The following CACNA1C variants were observed in gnomAD, a reference collection of about 807,000 sequenced individuals.
CACNA1C encodes calcium voltage-gated channel subunit alpha1 C.
A neutral mutation model predicts 229.0 loss-of-function variants in CACNA1C; 30 were observed. That is an observed-to-expected ratio of 0.13 (90% CI 0.10 to 0.18). The LOEUF (loss-of-function observed/expected upper bound fraction) is 0.18, where lower values mean the gene tolerates loss of function less well. CACNA1C is among the 10% of genes least tolerant of loss of function. CACNA1C has a pLI of 1.00. For synonymous variants in CACNA1C, 1,114 were observed against 1,132.5 expected (o/e 0.98, Z 0.33); for missense variants, 1,658 against 2,845.0 (o/e 0.58, Z 9.49).
chr12:2,273,037 A>G (rs998137647), intron 3 of CACNA1C, among the ~76,000 whole-genome samples: 12 of 152,156 alleles, frequency 7.9e-5, no homozygotes, highest in African/African-American at 2.7e-4. Context: ...TGCCCAGGTG[A>G]CTTTTTTATC....
In CACNA1C at chr12:2,042,701, G is replaced by T. The variant is rs1003826219; in HGVS notation, c.139+71500G>T. The stretch of plus-strand genomic sequence containing the variant: ...ATAAGGATGCCCCTTTGAGAGACAG[G>T]AGAAGCGGCAGGTGGGCTCCAGGCT... On this transcript the variant is annotated intron_variant, in intron 1 of 46. Coordinates refer to the CACNA1C transcript ENST00000682462. 4.0e-4 allele frequency among the ~76,000 whole-genome samples: 61 copies of T among 152,168 alleles called. 1 individual carries two copies. Among genetic ancestry groups the T allele is most frequent in the African/African-American group, 1.5e-3 (61 of 41,438 alleles).
intron 1 of CACNA1C, among the ~76,000 whole-genome samples, chr12:2,073,356 T>C (rs2062043491): frequency 6.6e-6 from 1 of 152,218 alleles, no homozygotes; most frequent in Non-Finnish European, 1.5e-5. Flanking sequence ...CTGTGGAACA[T>C]TCTCACTTCA....
At chr12:2,430,941 C>G (rs976273574) in intron 3 of CACNA1C, among the ~76,000 whole-genome samples, 14 of 152,196 alleles carry the variant, frequency 9.2e-5, no homozygotes, top group Admixed American at 3.3e-4. Context: ...CCCAGCCACA[C>G]ATGGCTTCTC....
chr12:2,411,040 C>T (rs1209404050), intron 3 of CACNA1C, among the ~76,000 whole-genome samples: 2 of 152,162 alleles, frequency 1.3e-5, no homozygotes, highest in Non-Finnish European at 2.9e-5. Context: ...AGTTCTGCCT[C>T]TTAGGAAGGG....
At chr12:2,096,650 C>T (rs533381256) in intron 1 of CACNA1C, among the ~76,000 whole-genome samples, 25 of 152,288 alleles carry the variant, frequency 1.6e-4, no homozygotes, top group African/African-American at 3.4e-4. Context: ...GCATTAAGTA[C>T]GTTCACCATG....
chr12:2,152,221 C>G lies in CACNA1C; in HGVS notation c.477+31791C>G, dbSNP rs1267418134. Among the ~76,000 whole-genome samples, 1 of 152,212 alleles carries G rather than the reference C, an allele frequency of 6.6e-6. No homozygotes were observed. The highest frequency in any genetic ancestry group is 1.5e-5 in the Non-Finnish European group (1 of 68,036). Reference sequence around the variant, plus strand: ...CCACTTGTGACAGAAATGACTGTTACCCAGTGTCTGTTCTCTACCTCTTTC... The same window carrying G: ...CCACTTGTGACAGAAATGACTGTTAGCCAGTGTCTGTTCTCTACCTCTTTC... On this transcript the variant is annotated intron_variant, in intron 3 of 46. Coordinates refer to ENST00000399655, the MANE Select transcript of CACNA1C (RefSeq NM_000719.7). This position sits in a 1 kb window ranked among gnomAD's most constrained non-coding sequence, Gnocchi z 4.2.
At chr12:2,540,101 C>T (rs914882613) in intron 9 of CACNA1C, among the ~76,000 whole-genome samples, 1 of 152,160 alleles carries the variant, frequency 6.6e-6, no homozygotes, top group Non-Finnish European at 1.5e-5. Flanking sequence ...GAACGCCCCA[C>T]CTCTCTCTCC....
intron 34 of CACNA1C, among the ~76,000 whole-genome samples, chr12:2,658,407 A>T (rs2095531070): frequency 6.6e-6 from 1 of 152,182 alleles, no homozygotes; most frequent in Non-Finnish European, 1.5e-5. Flanking sequence ...ATTAAAATGG[A>T]GCTGAAAACT....
At chr12:2,216,109 T>G (rs912477164) in intron 3 of CACNA1C, among the ~76,000 whole-genome samples, 2 of 152,130 alleles carry the variant, frequency 1.3e-5, no homozygotes, top group African/African-American at 4.8e-5. Flanking sequence ...CAGAGGTCCC[T>G]GGGGCACGCC....
intron 3 of CACNA1C, among the ~76,000 whole-genome samples, chr12:2,183,782 G>T (rs2096914501): frequency 6.6e-6 from 1 of 152,250 alleles, no homozygotes; most frequent in Admixed American, 6.5e-5. Flanking sequence ...TAGTCACGGG[G>T]CTCTCCAGCA....
chr12:2,513,011 G>A (rs2099788108), intron 9 of CACNA1C, 27 bp downstream of exon 9: 11 of 1,567,020 alleles, frequency 7.0e-6, no homozygotes, highest in Non-Finnish European at 9.5e-6. Flanking sequence ...TTCTGTGTTT[G>A]GGCTGGGTTC....
At chr12:2,216,214 G>A (rs2059938402) in intron 3 of CACNA1C, among the ~76,000 whole-genome samples, 1 of 152,194 alleles carries the variant, frequency 6.6e-6, no homozygotes, top group Non-Finnish European at 1.5e-5. Flanking sequence ...AGCTGGCTCA[G>A]TGCCTCAGTC....
At chr12:2,046,239 C>T (rs1212593735) in intron 1 of CACNA1C, among the ~76,000 whole-genome samples, 4 of 152,120 alleles carry the variant, frequency 2.6e-5, no homozygotes, top group African/African-American at 4.8e-5. Flanking sequence ...CTTTGAGCAC[C>T]TAAAAAAGTG....
intron 3 of CACNA1C, among the ~76,000 whole-genome samples, chr12:2,305,950 A>G (rs902283859): frequency 6.6e-6 from 1 of 152,132 alleles, no homozygotes; most frequent in Non-Finnish European, 1.5e-5. Context: ...TAAATATATT[A>G]CTCATATTAG....
At chr12:2,380,030 C>CAAAAAAAAAAAA (rs1172016514) in intron 3 of CACNA1C, among the ~76,000 whole-genome samples, 16 of 80,116 alleles carry the variant, frequency 2.0e-4, no homozygotes, top group African/African-American at 4.3e-4. Flanking sequence ...GACTCCGTCT[C>CAAAAAAAAAAAA]AAAAAAAAAA....
chr12:2,392,197 C>T (rs1375031097), intron 3 of CACNA1C, among the ~76,000 whole-genome samples: 1 of 152,170 alleles, frequency 6.6e-6, no homozygotes, highest in East Asian at 1.9e-4. Flanking sequence ...TAAATTGCTC[C>T]ATGTTGTTAA....
intron 9 of CACNA1C, among the ~76,000 whole-genome samples, chr12:2,516,512 G>A (rs954701514): frequency 6.6e-6 from 1 of 152,174 alleles, no homozygotes; most frequent in Admixed American, 6.5e-5. Flanking sequence ...GGTCCCGTCA[G>A]GTGCCTGCTG....
intron 9 of CACNA1C, among the ~76,000 whole-genome samples, chr12:2,518,731 C>T (rs1428163249): frequency 6.6e-6 from 1 of 152,090 alleles, no homozygotes; most frequent in African/African-American, 2.4e-5. Flanking sequence ...GCTCAGATTA[C>T]ATGAGAAGAC....
In CACNA1C at chr12:2,625,863, C is replaced by T. The variant is rs556528118; in HGVS notation, c.3829-8434C>T. 8.6e-5 allele frequency among the ~76,000 whole-genome samples: 13 copies of T among 152,028 alleles called. No homozygotes were observed. The East Asian group carries it at 1.4e-3, about 16-fold the overall frequency. ...GTCCCAGCTCCTTGGGAGGCTGAGA[C>T]GAGAGGATCTCTTGTGCCCAGGAGA... is the stretch of plus-strand genomic sequence containing the variant. On this transcript the variant is annotated intron_variant, in intron 29 of 46. Transcript: ENST00000399655.
Sources: allele counts gnomAD v4.1 joint callset (sites outside exome capture counted in the v4.1 genomes callset), GRCh38; gene constraint gnomAD v4.1.1; non-coding constraint Gnocchi (gnomAD v3.1); transcripts MANE v1.5; gene names NCBI Gene and HGNC (gene_info 2026-07-23, HGNC 2026-07-21).